GRIN2A: variants seen among roughly 807,000 people sequenced by gnomAD.
GRIN2A encodes the protein glutamate receptor ionotropic, NMDA 2A.
Under a neutral mutation model 113.4 loss-of-function variants are expected in GRIN2A, and 22 were observed. The observed-to-expected ratio is 0.19, with a 90% CI of 0.14 to 0.28. GRIN2A has a LOEUF of 0.28. Among genes scored for constraint, GRIN2A ranks in the 10% least tolerant of loss-of-function variants. The pLI is 1.00. For synonymous variants in GRIN2A, 827 were observed against 738.4 expected (o/e 1.12, Z -1.94); for missense variants, 1,502 against 1,887.0 (o/e 0.80, Z 3.78).
intron 11 of GRIN2A, among the ~76,000 whole-genome samples, chr16:9,785,732 A>C (rs979130521): frequency 1.3e-5 from 2 of 152,206 alleles, no homozygotes; most frequent in Non-Finnish European, 2.9e-5. Context: ...AATAAAAAAA[A>C]CCCTTAATGT....
intron 2 of GRIN2A, among the ~76,000 whole-genome samples, chr16:10,102,603 G>C (rs1329126509): frequency 5.3e-5 from 8 of 151,984 alleles, no homozygotes; most frequent in Non-Finnish European, 1.2e-4. Context: ...CTGTAGTGCA[G>C]TGTTGTGATC....
chr16:10,109,691 G>A (rs1450938476), intron 2 of GRIN2A, among the ~76,000 whole-genome samples: 2 of 150,736 alleles, frequency 1.3e-5, no homozygotes, highest in East Asian at 1.9e-4. Context: ...TGGCACAACA[G>A]TGTGACTATA....
chr16:10,135,301 A>C (rs2049168655), intron 2 of GRIN2A, among the ~76,000 whole-genome samples: 1 of 152,210 alleles, frequency 6.6e-6, no homozygotes, highest in South Asian at 2.1e-4. Flanking sequence ...TAATGCTTTT[A>C]ACGTCCATAT....
Position 9,787,819 on chromosome 16 carries a change from C to A in GRIN2A, c.2356+10458G>T, listed in dbSNP as rs576262311. On this transcript the variant is annotated intron_variant, in intron 11 of 12. Transcript: ENST00000330684. ...TTTTCAGATGCTCTGCAGTTCCTCTCCCCTCTATTTTTACTTTGCATTTAT... is the reference window on the plus strand; with the variant it reads ...TTTTCAGATGCTCTGCAGTTCCTCTACCCTCTATTTTTACTTTGCATTTAT... Among the ~76,000 whole-genome samples the A allele has an allele frequency of 2.6e-5, 4 of 152,302 alleles. No homozygotes were observed. The South Asian group carries it at 8.3e-4, about 32-fold the overall frequency.
At chr16:9,973,695 T>G (rs1038666550) in intron 2 of GRIN2A, among the ~76,000 whole-genome samples, 2 of 151,996 alleles carry the variant, frequency 1.3e-5, no homozygotes, top group African/African-American at 4.8e-5. Flanking sequence ...ACATTATATA[T>G]AGAGAACAAT....
intron 11 of GRIN2A, among the ~76,000 whole-genome samples, chr16:9,782,420 G>A (rs1293758663): frequency 6.6e-6 from 1 of 152,092 alleles, no homozygotes; most frequent in Non-Finnish European, 1.5e-5. Context: ...AATACTGAGG[G>A]ACAACTGTAT....
chr16:10,158,762 G>T (rs2049753727), intron 2 of GRIN2A, among the ~76,000 whole-genome samples: 1 of 152,160 alleles, frequency 6.6e-6, no homozygotes, highest in South Asian at 2.1e-4. Flanking sequence ...AGCTGGAGGG[G>T]TGGGGAAATA....
intron 2 of GRIN2A, among the ~76,000 whole-genome samples, chr16:10,072,780 T>C (rs1012888191): frequency 6.6e-6 from 1 of 150,678 alleles, no homozygotes; most frequent in African/African-American, 2.5e-5. Flanking sequence ...GGAATCCACA[T>C]ATTTAACAAG....
intron 10 of GRIN2A, among the ~76,000 whole-genome samples, chr16:9,800,607 T>G (rs1468543303): frequency 6.6e-6 from 1 of 152,126 alleles, no homozygotes; most frequent in East Asian, 1.9e-4. Flanking sequence ...TTTTTTTGTT[T>G]CTATAATGGT....
Position 9,761,444 on chromosome 16 carries a change from G to C in GRIN2A, c.*1705C>G. On this transcript the variant is annotated 3_prime_UTR_variant, in exon 13 of 13. Coordinates refer to ENST00000330684, the MANE Select transcript of GRIN2A (RefSeq NM_001134407.3). ...TTTCCGTAATGGCCCAAAACAGACTGAGGTCTTCTGCAAACACTGATGGCT... is the reference window on the plus strand; with the variant it reads ...TTTCCGTAATGGCCCAAAACAGACTCAGGTCTTCTGCAAACACTGATGGCT... 1 of 231,094 alleles carries C rather than the reference G, an allele frequency of 4.3e-6. No homozygotes were observed. Among genetic ancestry groups the C allele is most frequent in the African/African-American group, 2.2e-5 (1 of 45,224 alleles). 14.3% of individuals were successfully genotyped at this position (231,094 alleles called of 1,614,324 possible). A position where few individuals can be genotyped will look rare whatever the true frequency, so the allele number is the denominator to read the frequency against.
rs114291659 is a variant in GRIN2A, at chr16:10,006,313, G to A, written c.415-67762C>T. 3.6e-3 allele frequency among the ~76,000 whole-genome samples: 541 copies of A among 152,182 alleles called. 7 individuals are homozygous for A. The highest frequency in any genetic ancestry group is 0.012 in the African/African-American group (503 of 41,522). ...ACATCTGCATCAATAAATAAACCAC[G>A]TGAACAACCAAAACGACTTTTTTAG... is the stretch of plus-strand genomic sequence containing the variant. On this transcript the variant is annotated intron_variant, in intron 2 of 12. Transcript: ENST00000330684.
At chr16:9,786,180 G>A (rs1333704501) in intron 11 of GRIN2A, among the ~76,000 whole-genome samples, 7 of 152,222 alleles carry the variant, frequency 4.6e-5, no homozygotes, top group African/African-American at 1.7e-4. Context: ...AAGAAGCTCT[G>A]TGGGGAACAA....
chr16:10,127,227 G>GA (rs34065010), intron 2 of GRIN2A, among the ~76,000 whole-genome samples: 3,843 of 145,810 alleles, frequency 0.026, 72 homozygotes, highest in African/African-American at 0.054. Flanking sequence ...ATTCAGTCTT[G>GA]AAAAAAAAAA....
chr16:10,040,469 C>T (rs2047141531), intron 2 of GRIN2A, among the ~76,000 whole-genome samples: 3 of 151,166 alleles, frequency 2.0e-5, no homozygotes, highest in Admixed American at 2.0e-4. Flanking sequence ...CCACGCCACA[C>T]ACAAATACAT....
intron 2 of GRIN2A, among the ~76,000 whole-genome samples, chr16:9,973,999 C>T (rs2141749574): frequency 6.6e-6 from 1 of 152,124 alleles, no homozygotes; most frequent in Admixed American, 6.5e-5. Flanking sequence ...GCATTAGAAG[C>T]ATAAATATCT....
At chr16:9,960,913 A>T (rs555301242) in intron 2 of GRIN2A, among the ~76,000 whole-genome samples, 18 of 152,320 alleles carry the variant, frequency 1.2e-4, no homozygotes, top group African/African-American at 3.8e-4. Flanking sequence ...GGCATGAGCC[A>T]CCGCACCCAG....
chr16:9,825,947 C>G (rs554428555), intron 9 of GRIN2A, among the ~76,000 whole-genome samples: 1 of 142,312 alleles, frequency 7.0e-6, no homozygotes, highest in Non-Finnish European at 1.5e-5. Flanking sequence ...TTGAGTCAGG[C>G]GATGATGAAG....
chr16:9,942,592 T>C (rs1462324729), intron 2 of GRIN2A, among the ~76,000 whole-genome samples: 1 of 152,166 alleles, frequency 6.6e-6, no homozygotes, highest in African/African-American at 2.4e-5. Context: ...CACACAGACA[T>C]CGTCAGAAAC....
intron 2 of GRIN2A, among the ~76,000 whole-genome samples, chr16:10,116,634 G>A (rs1246422435): frequency 6.6e-6 from 1 of 152,116 alleles, no homozygotes; most frequent in Admixed American, 6.5e-5. Context: ...TGAGGAAGTA[G>A]AAAAATAAGA....
Sources: allele counts gnomAD v4.1 joint callset (sites outside exome capture counted in the v4.1 genomes callset), GRCh38; gene constraint gnomAD v4.1.1; transcripts MANE v1.5; gene names NCBI Gene and HGNC (gene_info 2026-07-23, HGNC 2026-07-21).